The following RBFOX1 variants were observed in gnomAD, a reference collection of about 807,000 sequenced individuals.
The protein encoded by RBFOX1 is RNA binding fox-1 homolog 1.
In RBFOX1, 8 loss-of-function variants were observed where a neutral mutation model predicts 57.7. The observed-to-expected ratio is 0.14, with a 90% CI of 0.08 to 0.25. RBFOX1 has a LOEUF of 0.25. Ranked by LOEUF, RBFOX1 falls within the 10% of genes least tolerant of loss-of-function variation. The pLI is 1.00. For missense variants in RBFOX1, 611 were observed against 548.5 expected, an observed-to-expected ratio of 1.11 and a Z score of -1.14; for synonymous variants, 326 against 222.4, an observed-to-expected ratio of 1.47 and a Z score of -4.15.
At chr16:5,511,890 T>G (rs765646062) in intron 2 of RBFOX1, among the ~76,000 whole-genome samples, 2 of 152,186 alleles carry the variant, frequency 1.3e-5, no homozygotes, top group Non-Finnish European at 2.9e-5. Context: ...CTGCATGAAG[T>G]GTATAAAGTA....
chr16:6,257,569 C>A (rs892673824), intron 1 of RBFOX1, among the ~76,000 whole-genome samples: 9 of 152,156 alleles, frequency 5.9e-5, no homozygotes, highest in Admixed American at 5.9e-4. Flanking sequence ...TCCTCTCCCA[C>A]TTCCCATCCT....
intron 2 of RBFOX1, among the ~76,000 whole-genome samples, chr16:6,622,047 T>A (rs1434446501): frequency 6.6e-6 from 1 of 152,186 alleles, no homozygotes; most frequent in Non-Finnish European, 1.5e-5. Flanking sequence ...AGTGATGTGT[T>A]GGTTTGAGTT....
chr16:5,840,098 C>T (rs146439116), intron 3 of RBFOX1, among the ~76,000 whole-genome samples: 1,607 of 152,296 alleles, frequency 0.011, 15 homozygotes, highest in South Asian at 0.047. Flanking sequence ...CATGAACACC[C>T]TCTTCCTCAA....
At chr16:6,609,381 G>C (rs185524731) in intron 2 of RBFOX1, among the ~76,000 whole-genome samples, 84 of 152,078 alleles carry the variant, frequency 5.5e-4, no homozygotes, top group Non-Finnish European at 9.9e-4. Context: ...GTCTCACTCT[G>C]TTGTCCAGGC....
intron 3 of RBFOX1, among the ~76,000 whole-genome samples, chr16:5,612,747 C>T (rs2047870372): frequency 6.6e-6 from 1 of 152,144 alleles, no homozygotes; most frequent in Non-Finnish European, 1.5e-5. Context: ...AGCTGGAGTT[C>T]AGGGAGGAGG....
intron 2 of RBFOX1, among the ~76,000 whole-genome samples, chr16:6,588,532 A>C (rs1051616581): frequency 6.6e-6 from 1 of 151,966 alleles, no homozygotes; most frequent in Non-Finnish European, 1.5e-5. Context: ...GCACACCCGT[A>C]ACTCAGCTAC....
chr16:7,156,691 C>T (rs1398181576), intron 4 of RBFOX1, among the ~76,000 whole-genome samples: 1 of 151,926 alleles, frequency 6.6e-6, no homozygotes, highest in Non-Finnish European at 1.5e-5. Context: ...CTATAGTATT[C>T]CCTTCTATGA....
chr16:7,427,356 G>C (rs1211817366), intron 4 of RBFOX1, among the ~76,000 whole-genome samples: 1 of 152,150 alleles, frequency 6.6e-6, no homozygotes, highest in East Asian at 1.9e-4. Flanking sequence ...AAATTTCCAA[G>C]AGATGCTGAT....
intron 4 of RBFOX1, among the ~76,000 whole-genome samples, chr16:5,903,707 C>T (rs988870586): frequency 2.0e-5 from 3 of 152,128 alleles, no homozygotes; most frequent in Non-Finnish European, 2.9e-5. Flanking sequence ...ATATGTGACC[C>T]CATTTCACCA....
At chr16:6,450,827 A>ATATATG (rs2094594725) in intron 2 of RBFOX1, among the ~76,000 whole-genome samples, 2 of 35,842 alleles carry the variant, frequency 5.6e-5, no homozygotes, top group African/African-American at 1.4e-4. Context: ...ACATATATAT[A>ATATATG]TATATATATG....
intron 4 of RBFOX1, among the ~76,000 whole-genome samples, chr16:7,292,016 G>A (rs199604934): frequency 8.6e-6 from 1 of 116,044 alleles, no homozygotes; most frequent in East Asian, 2.4e-4. Context: ...ATTATATATT[G>A]TATATATTAT....
chr16:7,628,379 C>T (rs1484505857), intron 10 of RBFOX1, among the ~76,000 whole-genome samples: 2 of 152,124 alleles, frequency 1.3e-5, no homozygotes, highest in Non-Finnish European at 2.9e-5. Context: ...TGAGCAGAAG[C>T]ACATAGATAA....
chr16:6,784,381 A>G (rs937847472), intron 3 of RBFOX1, among the ~76,000 whole-genome samples: 4 of 152,094 alleles, frequency 2.6e-5, no homozygotes, highest in Admixed American at 6.6e-5. Flanking sequence ...CTTCTGCTTC[A>G]CCAATTTTGC....
intron 3 of RBFOX1, among the ~76,000 whole-genome samples, chr16:6,747,439 T>C (rs550233407): frequency 7.3e-6 from 1 of 136,794 alleles, no homozygotes; most frequent in South Asian, 2.7e-4. Context: ...AGTCAGTCAG[T>C]CAGTTAGTCT....
chr16:7,583,527 A>G (rs973261523), intron 6 of RBFOX1, among the ~76,000 whole-genome samples: 5 of 152,248 alleles, frequency 3.3e-5, no homozygotes, highest in Non-Finnish European at 7.3e-5. Context: ...GAAGTGAGAC[A>G]AGTGGATTGT....
At chr16:7,664,742 C>CG (rs2068732312) in intron 12 of RBFOX1, 187 bp from the exon 13 acceptor site, 2 of 988,990 alleles carry the variant, frequency 2.0e-6, no homozygotes, top group Non-Finnish European at 2.9e-6. Flanking sequence ...CACCAAAGCC[C>CG]GGCCTAATTT....
At chr16:5,486,425 C>T (rs2042630064) in intron 2 of RBFOX1, among the ~76,000 whole-genome samples, 1 of 152,306 alleles carries the variant, frequency 6.6e-6, no homozygotes, top group South Asian at 2.1e-4. Flanking sequence ...CAGCAGACAT[C>T]AGTATTCAAC....
intron 4 of RBFOX1, among the ~76,000 whole-genome samples, chr16:7,232,170 C>T (rs369718212): frequency 2.6e-5 from 4 of 152,200 alleles, no homozygotes; most frequent in African/African-American, 9.6e-5. Context: ...ACTACAGGTA[C>T]ATACCACCAG....
chr16:7,338,016 T>C, intron 4 of RBFOX1, among the ~76,000 whole-genome samples: 1 of 152,230 alleles, frequency 6.6e-6, no homozygotes, highest in East Asian at 1.9e-4. Flanking sequence ...TCTGGGTTTG[T>C]GCATCATTTA....
Sources: gnomAD v4.1 joint callset for allele counts (sites outside exome capture counted in the v4.1 genomes callset) on GRCh38, gnomAD v4.1.1 for gene constraint, MANE v1.5 for transcripts, NCBI Gene and HGNC (gene_info 2026-07-23, HGNC 2026-07-21) for gene names.